NBPF10: variants seen among roughly 807,000 people sequenced by gnomAD.
NBPF10 encodes NBPF family member NBPF10.
A neutral mutation model predicts 77.9 loss-of-function variants in NBPF10; 63 were observed. The ratio of observed to expected loss-of-function variants is 0.81; its 90% CI spans 0.66 to 1.00. NBPF10 has a LOEUF of 1.00. Ranked by LOEUF, NBPF10 falls within the 50% of genes least tolerant of loss-of-function variation. The pLI is 0.00. For synonymous variants in NBPF10, 146 were observed against 264.5 expected (o/e 0.55, Z 4.35); for missense variants, 522 against 679.8 (o/e 0.77, Z 2.58).
rs1420689425 is a variant in NBPF10 at position 146,126,299 on chromosome 1, G to T, written c.1963C>A (p.Pro655Thr). 32 of 1,583,750 alleles carry T rather than the reference G, an allele frequency of 2.0e-5. 1 individual carries two copies. Among genetic ancestry groups the T allele is most frequent in the Non-Finnish European group, 2.7e-5 (31 of 1,154,718 alleles). The change falls in exon 14 of 90, where the codon CCC (proline) becomes ACC (threonine). Residue 655 changes from proline (P) to threonine (T), a missense_variant. Physicochemically the swap from Pro to Thr is conservative, Grantham distance 38 (BLOSUM62 -1). This residue lies in a region of NBPF10 where 178 missense variants were observed against 77.7 expected (regional missense o/e 2.29). Transcript: ENST00000583866. The stretch of plus-strand genomic sequence containing the variant: ...AATATGTAAAAGGCACTTCTGTAGG[G>T]CTGGCATGAGTCAGTCAGTTCAAGA...
intron 5 of NBPF10, among the ~76,000 whole-genome samples, chr1:146,139,263 CTA>C (rs1571227430): frequency 7.2e-6 from 1 of 138,796 alleles, no homozygotes; most frequent in African/African-American, 2.6e-5. Flanking sequence ...CCACGCCCAG[CTA>C]TTTTTTTTTT....
At chr1:146,121,138 C>G (rs1658128710) in intron 20 of NBPF10, among the ~76,000 whole-genome samples, 1 of 69,698 alleles carries the variant, frequency 1.4e-5, no homozygotes, top group Non-Finnish European at 2.7e-5. Context: ...TCAGATTGTT[C>G]ATGGTAGCGA....
chr1:146,126,282 A>G lies in NBPF10; in HGVS notation c.1980T>C (p.Phe660=), dbSNP rs782116690. ...CAACACGCTGTTGCTCCAATATGTA[A>G]AAGGCACTTCTGTAGGGCTGGCATG... Residue 660 remains phenylalanine (F), a synonymous_variant, in exon 14 of 90, where the codon TTT becomes TTC. Transcript: ENST00000583866. 299 of 1,606,288 alleles carry G rather than the reference A, an allele frequency of 1.9e-4. 2 individuals carry two copies. The highest frequency in any genetic ancestry group is 2.4e-4 in the Non-Finnish European group (281 of 1,175,166).
intron 89 of NBPF10, 92 bp from the exon 90 acceptor site, chr1:146,066,653 T>C: frequency 2.0e-6 from 1 of 507,378 alleles, no homozygotes; most frequent in Non-Finnish European, 3.5e-6. Context: ...AAGGAAGTGG[T>C]TAGAAAAGAA....
At chr1:146,139,348 A>G (rs1360120908) in intron 5 of NBPF10, among the ~76,000 whole-genome samples, 1 of 151,552 alleles carries the variant, frequency 6.6e-6, no homozygotes, top group Non-Finnish European at 1.5e-5. Flanking sequence ...TGACCTCATG[A>G]TCCACCCGCC....
At chr1:146,126,043 G>A (rs1455217886) in intron 14 of NBPF10, among the ~76,000 whole-genome samples, 193 bp downstream of exon 14, 14 of 151,782 alleles carry the variant, frequency 9.2e-5, no homozygotes, top group Non-Finnish European at 5.9e-5. Flanking sequence ...ACTAGGAAGA[G>A]AGCCTTGCTC....
At chr1:146,124,623 C>T in intron 16 of NBPF10, 65 bp downstream of exon 16, 1 of 64,608 alleles carries the variant, frequency 1.5e-5, no homozygotes, top group Non-Finnish European at 2.7e-5. Flanking sequence ...GCACTTGGAA[C>T]AGGAATATCA....
intron 5 of NBPF10, among the ~76,000 whole-genome samples, chr1:146,139,219 C>T (rs1180321074): frequency 6.1e-5 from 9 of 148,638 alleles, no homozygotes; most frequent in African/African-American, 2.2e-4. Flanking sequence ...CCTGCCTCAG[C>T]CTCCTGAGTA....
At position 146,126,337 on chromosome 1, in the gene NBPF10, GT is replaced by G. The variant is rs1658647165; in HGVS notation, c.1924del (p.Thr642LeufsTer8). The G allele has an allele frequency of 3.8e-6, 5 of 1,305,856 alleles. No homozygotes were observed. Among genetic ancestry groups the G allele is most frequent in the Non-Finnish European group, 3.3e-6 (3 of 902,792 alleles). The allele number at this position is 1,305,856 out of a possible 1,614,324, so 80.9% of individuals were successfully genotyped here. A position where few individuals can be genotyped will look rare whatever the true frequency, so the allele number is the denominator to read the frequency against. On this transcript the variant is annotated frameshift_variant, in exon 14 of 90. Transcript: ENST00000583866. LOFTEE classifies it high-confidence loss of function. ...AGTCAGTTCAAGACAACCTGAAGGA[GT>G]TGAATAACATCTATCCTGTGAGTCC...
intron 56 of NBPF10, among the ~76,000 whole-genome samples, chr1:146,092,820 T>C (rs1656942391): frequency 9.9e-6 from 1 of 100,560 alleles, no homozygotes; most frequent in Admixed American, 1.0e-4. Context: ...ACTCAGATTG[T>C]TCATGGTAGT....
rs1163685736 is a variant in NBPF10 at position 146,069,493 on chromosome 1, T to A, written c.10810+50A>T. On this transcript the variant is annotated intron_variant, in intron 86 of 89. Coordinates refer to ENST00000583866, the Ensembl canonical transcript of NBPF10. Reference sequence around the variant, plus strand: ...GCCACTTGCAGTAGGAATATGACCCTAACCAGAAGACTCAGTGGATCCTTA... The same window carrying A: ...GCCACTTGCAGTAGGAATATGACCCAAACCAGAAGACTCAGTGGATCCTTA... 1.7e-5 allele frequency: 13 copies of A among 785,242 alleles called. 4 individuals carry two copies. The African/African-American group carries it at 3.7e-4, about 23-fold the overall frequency. The allele number at this position is 785,242 out of a possible 1,614,324, so 48.6% of individuals were successfully genotyped here.
chr1:146,136,163 G>A (rs7367553), intron 7 of NBPF10, among the ~76,000 whole-genome samples, 190 bp downstream of exon 7: 3 of 151,494 alleles, frequency 2.0e-5, no homozygotes, highest in African/African-American at 4.9e-5. Flanking sequence ...ACAAGGCTCT[G>A]AGAAACAACT....
exon 90 of NBPF10, chr1:146,064,715 T>A (rs1346278974): frequency 9.8e-6 from 1 of 101,800 alleles, no homozygotes; most frequent in Non-Finnish European, 2.0e-5. Flanking sequence ...GAAATGTTTT[T>A]ATTAATTCGC....
exon 14 of NBPF10, chr1:146,126,284 A>T (rs587677785): frequency 1.9e-6 from 3 of 1,605,764 alleles, no homozygotes; most frequent in Non-Finnish European, 2.6e-6. Context: ...AATATGTAAA[A>T]GGCACTTCTG....
At chr1:146,073,969 T>G (rs1451636583) in intron 80 of NBPF10, among the ~76,000 whole-genome samples, 1 of 99,146 alleles carries the variant, frequency 1.0e-5, no homozygotes, top group East Asian at 2.7e-4. Flanking sequence ...CTCCAAGATC[T>G]ACAAAATTGA....
intron 2 of NBPF10, 29 bp from the exon 3 acceptor site, chr1:146,141,847 G>C (rs782291486): frequency 7.9e-6 from 10 of 1,259,814 alleles, no homozygotes; most frequent in Non-Finnish European, 9.0e-6. Context: ...GAAAATTTAA[G>C]AGTAGAAAGG....
chr1:146,138,841 G>A (rs1659977434), intron 5 of NBPF10, among the ~76,000 whole-genome samples: 1 of 143,694 alleles, frequency 7.0e-6, no homozygotes, highest in Non-Finnish European at 1.6e-5. Flanking sequence ...CTGCAGTGCA[G>A]AGGCACAATC....
At chr1:146,134,194 T>G in exon 9 of NBPF10, 1 of 1,378,504 alleles carries the variant, frequency 7.3e-7, no homozygotes, top group Non-Finnish European at 9.9e-7. Context: ...CAGTGTTACC[T>G]GGGGGCAGAT....
intron 5 of NBPF10, among the ~76,000 whole-genome samples, chr1:146,138,825 C>A (rs3961876): frequency 0.24 from 26,539 of 109,756 alleles, 314 homozygotes; most frequent in Middle Eastern, 0.32. Context: ...CACTCTGTCA[C>A]GCAGGCTGCA....
Sources: gnomAD v4.1 joint callset for allele counts (sites outside exome capture counted in the v4.1 genomes callset) on GRCh38, gnomAD v4.1.1 for gene constraint, gnomAD v4.1.1 regional missense constraint, MANE v1.5 for transcripts, NCBI Gene and HGNC (gene_info 2026-07-23, HGNC 2026-07-21) for gene names.